SPACA7: variants seen among roughly 807,000 people sequenced by gnomAD.
The protein encoded by SPACA7 is sperm acrosome associated 7, also known as sperm acrosome-associated protein 7.
SPACA7 carries 19 observed loss-of-function variants against 26.3 expected under a neutral mutation model. That is an observed-to-expected ratio of 0.72 (90% CI 0.50 to 1.06). SPACA7 has a LOEUF of 1.06. Ranked by LOEUF, SPACA7 falls within the 50% of genes least tolerant of loss-of-function variation. The pLI is 0.00. For synonymous variants in SPACA7, 84 were observed against 84.5 expected (o/e 0.99, Z 0.04); for missense variants, 211 against 229.9 (o/e 0.92, Z 0.53).
intron 3 of SPACA7, among the ~76,000 whole-genome samples, chr13:112,398,553 C>T (rs2138947852): frequency 6.6e-6 from 1 of 152,290 alleles, no homozygotes; most frequent in Admixed American, 6.5e-5. Flanking sequence ...CCCCATTTGA[C>T]AGAAGGTAAA....
chr13:112,389,607 T>G (rs1181520952), intron 1 of SPACA7, among the ~76,000 whole-genome samples: 2 of 152,184 alleles, frequency 1.3e-5, no homozygotes, highest in East Asian at 3.8e-4. Context: ...TAGAACTCCT[T>G]TAAGGAATTT....
chr13:112,428,293 A>G (rs1194784542), intron 5 of SPACA7, among the ~76,000 whole-genome samples: 2 of 152,190 alleles, frequency 1.3e-5, no homozygotes, highest in East Asian at 3.9e-4. Context: ...GAAGTGTGCT[A>G]TTTAGGCTGG....
rs762261864 is a variant in SPACA7 at position 112,401,151 on chromosome 13, T to C, written c.432T>C (p.Ser144=). Residue 144 remains serine, a synonymous_variant, in exon 5 of 7, where the codon AGT becomes AGC. Coordinates refer to ENST00000283550, the MANE Select transcript of SPACA7 (RefSeq NM_145248.5). The stretch of plus-strand genomic sequence containing the variant: ...AGGTGTCTCCTGGCAGTGAGAAGAG[T>C]GTTTCCAGTAAAGGTAAATGTGCCC... The part of the protein sequence containing the change: ...GPQVSPGSEK[S]VSSKEKNSKN... 197 of 1,613,412 alleles carry C rather than the reference T, an allele frequency of 1.2e-4. No individual in the cohort carries two copies. Among genetic ancestry groups the C allele is most frequent in the Non-Finnish European group, 1.6e-4 (186 of 1,179,708 alleles).
At chr13:112,422,915 T>C (rs1193869625) in intron 5 of SPACA7, among the ~76,000 whole-genome samples, 1 of 152,162 alleles carries the variant, frequency 6.6e-6, no homozygotes, top group Non-Finnish European at 1.5e-5. Flanking sequence ...ATCATCAGAA[T>C]TGTCTATTTC....
At chr13:112,406,816 C>T (rs1335975665) in intron 5 of SPACA7, among the ~76,000 whole-genome samples, 2 of 152,094 alleles carry the variant, frequency 1.3e-5, no homozygotes, top group Non-Finnish European at 2.9e-5. Context: ...GATAAATATT[C>T]CTTGTTCTTA....
At chr13:112,383,026 A>AAGAGAGAGAGAGAGAAAGAG (rs371501039) in intron 1 of SPACA7, among the ~76,000 whole-genome samples, 1,809 of 95,334 alleles carry the variant, frequency 0.019, 197 homozygotes, top group African/African-American at 0.06. Flanking sequence ...GAAAGAAAGA[A>AAGAGAGAGAGAGAGAAAGAG]AGAGAGAGAG....
intron 1 of SPACA7, among the ~76,000 whole-genome samples, chr13:112,380,413 A>G (rs973597330): frequency 2.0e-5 from 3 of 151,616 alleles, no homozygotes; most frequent in Non-Finnish European, 4.4e-5. Context: ...CTCAAAAAAA[A>G]AAAAAAAAAA....
At position 112,395,272 on chromosome 13, in the gene SPACA7, C is replaced by T. The variant is rs548143859; in HGVS notation, c.151+2195C>T. On this transcript the variant is annotated intron_variant, in intron 2 of 6. Coordinates refer to ENST00000283550, the MANE Select transcript of SPACA7 (RefSeq NM_145248.5). ...ATGTGTGGCTTTCTCTGGTCGGCTC[C>T]GAATTGGAAGCGAGGACAAAAGCCA... Among the ~76,000 whole-genome samples, 12 of 152,250 alleles carry T rather than the reference C, an allele frequency of 7.9e-5. No individual in the cohort carries two copies. In the South Asian group the frequency reaches 1.9e-3, roughly 24 times the overall value.
intron 5 of SPACA7, among the ~76,000 whole-genome samples, chr13:112,404,177 G>T (rs1355493249): frequency 1.3e-5 from 2 of 152,172 alleles, no homozygotes; most frequent in African/African-American, 4.8e-5. Flanking sequence ...GATCATTAGT[G>T]ATGTTCAGCA....
intron 1 of SPACA7, among the ~76,000 whole-genome samples, chr13:112,384,366 T>C (rs1479484151): frequency 6.6e-6 from 1 of 151,998 alleles, no homozygotes; most frequent in Admixed American, 6.6e-5. Context: ...TATATTAGAA[T>C]TATAGGAGTT....
intron 5 of SPACA7, among the ~76,000 whole-genome samples, chr13:112,403,008 T>A (rs1350698257): frequency 3.3e-5 from 5 of 152,048 alleles, no homozygotes; most frequent in Non-Finnish European, 5.9e-5. Context: ...CAATAAAAAA[T>A]TTATAATAAA....
chr13:112,429,497 T>A (rs4907526), intron 5 of SPACA7, among the ~76,000 whole-genome samples: 83,810 of 152,060 alleles, frequency 0.55, 23,425 homozygotes, highest in South Asian at 0.67. Flanking sequence ...TTAGCATGTC[T>A]TATCTTTGTC....
At chr13:112,400,007 C>T (rs1375490961) in intron 4 of SPACA7, among the ~76,000 whole-genome samples, 4 of 152,144 alleles carry the variant, frequency 2.6e-5, no homozygotes, top group Non-Finnish European at 4.4e-5. Context: ...CCCCATGATC[C>T]AATCATCTCC....
chr13:112,396,247 C>T (rs1312969062), intron 2 of SPACA7, among the ~76,000 whole-genome samples: 2 of 151,940 alleles, frequency 1.3e-5, no homozygotes, highest in East Asian at 3.9e-4. Context: ...GTTGCAGAGA[C>T]AGCCCATCCA....
intron 1 of SPACA7, 29 bp downstream of exon 1, chr13:112,376,508 A>G (rs1883711951): frequency 6.2e-7 from 1 of 1,603,206 alleles, no homozygotes; most frequent in Non-Finnish European, 8.5e-7. Context: ...GTCTCAGCAG[A>G]AAGAGAACTG....
intron 1 of SPACA7, chr13:112,378,617 C>T (rs1407255920): frequency 6.4e-6 from 3 of 469,204 alleles, no homozygotes; most frequent in Non-Finnish European, 1.3e-5. Flanking sequence ...TACCTAAAGA[C>T]TTGGGTGAAT....
At chr13:112,397,351 G>A (rs1168549028) in intron 2 of SPACA7, among the ~76,000 whole-genome samples, 3 of 152,152 alleles carry the variant, frequency 2.0e-5, no homozygotes, top group African/African-American at 7.2e-5. Context: ...TGACTGTGCT[G>A]CAGAGACAGC....
At chr13:112,394,921 C>T (rs1234803541) in intron 2 of SPACA7, among the ~76,000 whole-genome samples, 9 of 152,186 alleles carry the variant, frequency 5.9e-5, no homozygotes, top group Non-Finnish European at 1.3e-4. Flanking sequence ...GCAGCTCTTA[C>T]CCCCATCCAC....
intron 5 of SPACA7, among the ~76,000 whole-genome samples, chr13:112,413,825 A>G (rs1886508543): frequency 6.6e-6 from 1 of 152,106 alleles, no homozygotes; most frequent in Non-Finnish European, 1.5e-5. Context: ...TGTTGCCATA[A>G]TGGGATACCT....
Sources: allele counts gnomAD v4.1 joint callset (sites outside exome capture counted in the v4.1 genomes callset), GRCh38; gene constraint gnomAD v4.1.1; transcripts MANE v1.5; gene names NCBI Gene and HGNC (gene_info 2026-07-23, HGNC 2026-07-21).